The following TWF1 variants were observed in gnomAD, a reference collection of about 807,000 sequenced individuals.
TWF1 encodes twinfilin-1.
In TWF1, 14 loss-of-function variants were observed where a neutral mutation model predicts 47.9. The observed-to-expected ratio is 0.29, with a 90% CI of 0.19 to 0.46. The LOEUF is 0.46. Ranked by LOEUF, TWF1 falls within the 20% of genes least tolerant of loss-of-function variation. The pLI is 1.00. For synonymous variants in TWF1, 96 were observed against 139.2 expected (o/e 0.69, Z 2.18); for missense variants, 281 against 409.3 (o/e 0.69, Z 2.70).
intron 8 of TWF1, 47 bp from the exon 9 acceptor site, chr12:43,795,802 G>A (rs747826835): frequency 1.3e-6 from 2 of 1,590,044 alleles, no homozygotes; most frequent in South Asian, 1.1e-5. Flanking sequence ...CCTAATACAA[G>A]CAACAAGCTG....
intron 2 of TWF1, 111 bp downstream of exon 2, chr12:43,804,384 A>T: frequency 2.8e-6 from 2 of 723,580 alleles, no homozygotes; most frequent in Non-Finnish European, 2.4e-6. Flanking sequence ...GTAAGATTTG[A>T]ACTTGCTTCA....
At chr12:43,804,606 T>C in intron 1 of TWF1, 34 bp from the exon 2 acceptor site, 1 of 1,422,088 alleles carries the variant, frequency 7.0e-7, no homozygotes, top group Non-Finnish European at 9.7e-7. Context: ...AAACTTTTTA[T>C]ACTTACATAT....
At chr12:43,800,571 C>T (rs779717927) in intron 3 of TWF1, 41 bp from the exon 4 acceptor site, 5 of 1,475,484 alleles carry the variant, frequency 3.4e-6, no homozygotes, top group Admixed American at 3.5e-5. Context: ...TAGATGAAAA[C>T]ATAACATTAC....
intron 7 of TWF1, 38 bp from the exon 8 acceptor site, chr12:43,797,135 C>T: frequency 6.5e-7 from 1 of 1,544,840 alleles, no homozygotes; most frequent in Non-Finnish European, 8.8e-7. Flanking sequence ...ATTAGCATAT[C>T]AATACATAAA....
chr12:43,805,585 C>G (rs776688829), intron 1 of TWF1: 5 of 468,050 alleles, frequency 1.1e-5, no homozygotes, highest in Non-Finnish European at 2.1e-5. Flanking sequence ...GCATATTGAA[C>G]TGTCTGCACG....
intron 1 of TWF1, chr12:43,805,775 TTTTGTAATCAAAGTCCTG>T: frequency 7.4e-7 from 1 of 1,351,070 alleles, no homozygotes; most frequent in Non-Finnish European, 9.8e-7. Flanking sequence ...GCATGGTTCT[TTTTGTAATCAAAGTCCTG>T]TAATATTCTC....
Position 43,806,299 on chromosome 12 carries a change from C to G in TWF1, c.-54G>C. The G allele has an allele frequency of 6.9e-7, 1 of 1,448,772 alleles. No homozygotes were observed. The highest frequency in any genetic ancestry group is 2.4e-4 in the Middle Eastern group (1 of 4,202). 89.7% of individuals were successfully genotyped at this position (1,448,772 alleles called of 1,614,324 possible). A position where few individuals can be genotyped will look rare whatever the true frequency, so the allele number is the denominator to read the frequency against. On this transcript the variant is annotated 5_prime_UTR_variant, in exon 1 of 9. Transcript: ENST00000395510. ...CGCTGAGTGCAGCCAGCGGCCCCGGCCGGCGGCCCCAGGAAGTGGCTGCTC... is the reference window on the plus strand; with the variant it reads ...CGCTGAGTGCAGCCAGCGGCCCCGGGCGGCGGCCCCAGGAAGTGGCTGCTC...
At chr12:43,803,282 G>A (rs1212039948) in intron 2 of TWF1, among the ~76,000 whole-genome samples, 2 of 152,148 alleles carry the variant, frequency 1.3e-5, no homozygotes, top group East Asian at 1.9e-4. Context: ...TGCTATTTAG[G>A]GATACATGTA....
intron 7 of TWF1, 97 bp downstream of exon 7, chr12:43,797,205 C>G: frequency 6.8e-7 from 1 of 1,474,038 alleles, no homozygotes; most frequent in South Asian, 1.3e-5. Context: ...CATAAAACTA[C>G]AGCTAAGCCC....
chr12:43,805,955 G>C lies in TWF1; in HGVS notation c.25+266C>G, dbSNP rs1025380061. ...TGGAAGGCACGCCCCCTTCAACCAG[G>C]CCGCCTCGAAAGCCAATTTCCTTCG... On this transcript the variant is annotated intron_variant, in intron 1 of 8. Transcript: ENST00000395510. 11 of 1,540,020 alleles carry C rather than the reference G, an allele frequency of 7.1e-6. No individual in the cohort carries two copies. In the African/African-American group the frequency reaches 1.5e-4, roughly 21 times the overall value.
chr12:43,796,860 GGAT>G lies in TWF1; in HGVS notation c.882+113_882+115del, dbSNP rs1303162838. The G allele has an allele frequency of 1.1e-5, 12 of 1,133,610 alleles. No individual in the cohort carries two copies. The East Asian group carries it at 1.5e-4, about 14-fold the overall frequency. 70.2% of individuals were successfully genotyped at this position (1,133,610 alleles called of 1,614,324 possible). ...ACTTAGAGGAGATCCTAAGGATTTAGGATGATAACAAGAAAAATAAATATTTTC... is the reference window on the plus strand; with the variant it reads ...ACTTAGAGGAGATCCTAAGGATTTAGGATAACAAGAAAAATAAATATTTTC... On this transcript the variant is annotated intron_variant, in intron 8 of 8. Coordinates refer to ENST00000395510, the MANE Select transcript of TWF1 (RefSeq NM_002822.5).
At chr12:43,803,240 A>ATGTAACTCAAACTCATAAAC (rs1942694564) in intron 2 of TWF1, among the ~76,000 whole-genome samples, 1 of 152,200 alleles carries the variant, frequency 6.6e-6, no homozygotes, top group Admixed American at 6.5e-5. Flanking sequence ...AGATGGTATC[A>ATGTAACTCAAACTCATAAAC]TGCAGTTTAT....
chr12:43,806,061 G>T, intron 1 of TWF1, 160 bp downstream of exon 1: 1 of 1,518,688 alleles, frequency 6.6e-7, no homozygotes, highest in East Asian at 2.5e-5. Flanking sequence ...GCAGCGCCCG[G>T]GAAGCAGGAG....
chr12:43,798,639 ACAT>A, intron 5 of TWF1: 2 of 1,392,936 alleles, frequency 1.4e-6, no homozygotes, highest in Non-Finnish European at 1.9e-6. Flanking sequence ...AAAAAAAATC[ACAT>A]AAAAAGCCCT....
rs1942507875 is a variant in TWF1 at position 43,794,003 on chromosome 12, T to TA, written c.*1581dup. On this transcript the variant is annotated 3_prime_UTR_variant, in exon 9 of 9. Transcript: ENST00000395510. ...TACTTTAATGTAGTGTAGTGGAATT[T>TA]AGAGTATAATTGCACATAGATGGTA... 6.6e-6 allele frequency: 1 copy of TA among 152,666 alleles called. No homozygotes were observed. Among genetic ancestry groups the TA allele is most frequent in the African/African-American group, 2.4e-5 (1 of 41,466 alleles). The allele number at this position is 152,666 out of a possible 1,614,324, so 9.5% of individuals were successfully genotyped here.
Position 43,806,300 on chromosome 12 carries a change from C to T in TWF1, c.-55G>A. On this transcript the variant is annotated 5_prime_UTR_variant, in exon 1 of 9. Coordinates refer to ENST00000395510, the MANE Select transcript of TWF1 (RefSeq NM_002822.5). ...GCTGAGTGCAGCCAGCGGCCCCGGC[C>T]GGCGGCCCCAGGAAGTGGCTGCTCC... 2 of 1,449,144 alleles carry T rather than the reference C, an allele frequency of 1.4e-6. No homozygotes were observed. Among genetic ancestry groups the T allele is most frequent in the South Asian group, 2.7e-5 (2 of 74,126 alleles). 89.8% of individuals were successfully genotyped at this position (1,449,144 alleles called of 1,614,324 possible).
In TWF1 at chr12:43,802,375, G is replaced by T. The variant is rs749006594; in HGVS notation, c.193C>A (p.Gln65Lys). 1 of 1,605,608 alleles carries T rather than the reference G, an allele frequency of 6.2e-7. No individual in the cohort carries two copies. The highest frequency in any genetic ancestry group is 1.1e-5 in the South Asian group (1 of 90,008). ...AACCTGAATAATATATAGCATGGTT[G>T]TTTGTCCTCCAACAGGGGTAAAACA... is the stretch of plus-strand genomic sequence containing the variant. ...SFVLPLLEDKQPCYILFRLDS... is the reference protein window; with the variant it reads ...SFVLPLLEDKKPCYILFRLDS... The change falls in exon 3 of 9, where the codon CAA (glutamine) becomes AAA (lysine). Residue 65 changes from glutamine to lysine, a missense_variant. Coordinates refer to ENST00000395510, the MANE Select transcript of TWF1 (RefSeq NM_002822.5).
rs1942507822 is a variant in TWF1 at position 43,794,003 on chromosome 12, T to C, written c.*1582A>G. 1 of 152,666 alleles carries C rather than the reference T, an allele frequency of 6.6e-6. No individual in the cohort carries two copies. The highest frequency in any genetic ancestry group is 1.5e-5 in the Non-Finnish European group (1 of 68,032). The allele number at this position is 152,666 out of a possible 1,614,324, so 9.5% of individuals were successfully genotyped here. A position where few individuals can be genotyped will look rare whatever the true frequency, so the allele number is the denominator to read the frequency against. ...TACTTTAATGTAGTGTAGTGGAATT[T>C]AGAGTATAATTGCACATAGATGGTA... is the stretch of plus-strand genomic sequence containing the variant. On this transcript the variant is annotated 3_prime_UTR_variant, in exon 9 of 9. Coordinates refer to ENST00000395510, the MANE Select transcript of TWF1 (RefSeq NM_002822.5).
At chr12:43,804,465 A>G in intron 2 of TWF1, 30 bp downstream of exon 2, 1 of 1,393,880 alleles carries the variant, frequency 7.2e-7, no homozygotes, top group South Asian at 1.2e-5. Flanking sequence ...TAATCCAGGA[A>G]CAGAAAATAT....
Sources: allele counts gnomAD v4.1 joint callset (sites outside exome capture counted in the v4.1 genomes callset), GRCh38; gene constraint gnomAD v4.1.1; transcripts MANE v1.5; gene names NCBI Gene and HGNC (gene_info 2026-07-23, HGNC 2026-07-21).